Variants in ATF7IP observed in about 807,000 individuals in gnomAD.
ATF7IP encodes the protein activating transcription factor 7-interacting protein 1.
In ATF7IP, 23 loss-of-function variants were observed where a neutral mutation model predicts 106.4. That is an observed-to-expected ratio of 0.22 (90% CI 0.16 to 0.31). The LOEUF is 0.31. Ranked by LOEUF, ATF7IP falls within the 10% of genes least tolerant of loss-of-function variation. The probability of loss-of-function intolerance (pLI) is 1.00; values close to 1 mark genes in which losing one functional copy is unlikely to be tolerated. For missense variants in ATF7IP, 1,334 were observed against 1,524.3 expected (o/e 0.88, Z 2.08); for synonymous variants, 542 against 539.0 (o/e 1.01, Z -0.08).
At chr12:14,438,359 C>A in intron 5 of ATF7IP, 92 bp downstream of exon 5, 2 of 1,153,008 alleles carry the variant, frequency 1.7e-6, no homozygotes, top group South Asian at 1.9e-5. Flanking sequence ...CTATAAAATA[C>A]ATTTAAATTC....
At chr12:14,447,171 C>T (rs1039194192) in intron 6 of ATF7IP, 118 bp downstream of exon 6, 2 of 607,722 alleles carry the variant, frequency 3.3e-6, no homozygotes, top group Non-Finnish European at 5.3e-6. Flanking sequence ...ACTGTGTACT[C>T]CTCTATGTAA....
At chr12:14,464,426 G>T (rs1192909684) in intron 9 of ATF7IP, among the ~76,000 whole-genome samples, 1 of 152,154 alleles carries the variant, frequency 6.6e-6, no homozygotes, top group African/African-American at 2.4e-5. Context: ...CCTTTTTTCT[G>T]TTCATACAAT....
intron 13 of ATF7IP, 81 bp downstream of exon 13, chr12:14,481,266 T>C: frequency 6.8e-7 from 1 of 1,476,842 alleles, no homozygotes; most frequent in Non-Finnish European, 9.2e-7. Flanking sequence ...ATAATAATGT[T>C]AAATTTTGCA....
intron 2 of ATF7IP, among the ~76,000 whole-genome samples, chr12:14,427,447 C>A (rs535547750): frequency 2.0e-5 from 3 of 152,104 alleles, no homozygotes; most frequent in Non-Finnish European, 4.4e-5. Context: ...ACTGCAACCT[C>A]CGCCTCCCGG....
At chr12:14,372,571 T>C (rs1938574767) in intron 1 of ATF7IP, among the ~76,000 whole-genome samples, 1 of 152,130 alleles carries the variant, frequency 6.6e-6, no homozygotes, top group Admixed American at 6.5e-5. Context: ...GATGACTTAT[T>C]AACTTTGCCA....
At chr12:14,494,333 A>ATG (rs1210425478) in intron 13 of ATF7IP, among the ~76,000 whole-genome samples, 1,467 of 85,634 alleles carry the variant, frequency 0.017, 34 homozygotes, top group Non-Finnish European at 0.02. Context: ...ATATATATAT[A>ATG]TGTGTGTGTG....
At position 14,460,830 on chromosome 12, in the gene ATF7IP, C is replaced by A. The variant is rs1285222182; in HGVS notation, c.2494C>A (p.Pro832Thr). ...PPTVSGLTKN[P>T]VSLPSLPNPT... ...TACAGTGAGTGGTCTTACCAAAAAT[C>A]CAGTATCCTTGCCATCCTTGCCAAA... Residue 832 changes from proline to threonine, a missense_variant, in exon 9 of 15, where the codon CCA (proline) becomes ACA (threonine). This residue lies in a region of ATF7IP where 370 missense variants were observed against 401.2 expected (regional missense o/e 0.92). Transcript: ENST00000261168. 6.2e-7 allele frequency: 1 copy of A among 1,614,204 alleles called. No homozygotes were observed. The highest frequency in any genetic ancestry group is 2.2e-5 in the East Asian group (1 of 44,886).
intron 6 of ATF7IP, among the ~76,000 whole-genome samples, chr12:14,450,008 A>C (rs1166438929): frequency 6.6e-6 from 1 of 152,130 alleles, no homozygotes; most frequent in African/African-American, 2.4e-5. Context: ...TAGATATGCA[A>C]CTGATTTTTG....
chr12:14,418,822 G>A (rs1941342015), intron 1 of ATF7IP, among the ~76,000 whole-genome samples: 1 of 152,080 alleles, frequency 6.6e-6, no homozygotes, highest in Non-Finnish European at 1.5e-5. Flanking sequence ...ATTCTTTTTA[G>A]AGTGCTTTAT....
chr12:14,415,262 A>G (rs1488053164), intron 1 of ATF7IP, among the ~76,000 whole-genome samples: 2 of 152,226 alleles, frequency 1.3e-5, no homozygotes, highest in African/African-American at 2.4e-5. Context: ...CAGGTCATTT[A>G]ATTTTATTTT....
At chr12:14,382,483 A>T (rs895022345) in intron 1 of ATF7IP, among the ~76,000 whole-genome samples, 5 of 152,216 alleles carry the variant, frequency 3.3e-5, no homozygotes, top group African/African-American at 1.2e-4. Flanking sequence ...CATAATAAGC[A>T]CATAGTAGTT....
At chr12:14,451,878 A>G (rs1271278193) in intron 6 of ATF7IP, among the ~76,000 whole-genome samples, 1 of 152,160 alleles carries the variant, frequency 6.6e-6, no homozygotes, top group African/African-American at 2.4e-5. Flanking sequence ...TCCAATTAGC[A>G]TATAGTGTTG....
intron 2 of ATF7IP, among the ~76,000 whole-genome samples, chr12:14,427,547 G>A (rs774859564): frequency 6.6e-6 from 1 of 151,978 alleles, no homozygotes; most frequent in Non-Finnish European, 1.5e-5. Flanking sequence ...TGTATTTTTA[G>A]TAGAGTCGGG....
At chr12:14,435,667 T>C (rs1942370192) in intron 3 of ATF7IP, among the ~76,000 whole-genome samples, 1 of 152,222 alleles carries the variant, frequency 6.6e-6, no homozygotes, top group African/African-American at 2.4e-5. Flanking sequence ...AAGAATTTTT[T>C]CCTATACTTA....
intron 1 of ATF7IP, among the ~76,000 whole-genome samples, chr12:14,380,357 C>G (rs186406138): frequency 1.6e-3 from 236 of 152,196 alleles, no homozygotes; most frequent in Non-Finnish European, 2.6e-3. Flanking sequence ...GTGGAAGATT[C>G]AAAAGTTGAT....
At chr12:14,468,747 G>A (rs1391841160) in intron 10 of ATF7IP, among the ~76,000 whole-genome samples, 2 of 152,256 alleles carry the variant, frequency 1.3e-5, no homozygotes, top group African/African-American at 4.8e-5. Context: ...ATAATTACAG[G>A]AGTTTTATTG....
At position 14,365,818 on chromosome 12, in the gene ATF7IP, G is replaced by A; in HGVS notation, c.-17G>A. 1 of 153,500 alleles carries A rather than the reference G, an allele frequency of 6.5e-6. No individual in the cohort carries two copies. The highest frequency in any genetic ancestry group is 1.5e-5 in the Non-Finnish European group (1 of 68,194). The allele number at this position is 153,500 out of a possible 1,614,324, so 9.5% of individuals were successfully genotyped here. Reference sequence around the variant, plus strand: ...CTTGGTTCCCCCTCCCTCAGCTTCCGCCCCAAAAGGTATATGTGAATCCCA... The same window carrying A: ...CTTGGTTCCCCCTCCCTCAGCTTCCACCCCAAAAGGTATATGTGAATCCCA... On this transcript the variant is annotated 5_prime_UTR_variant, in exon 1 of 15. Transcript: ENST00000261168.
chr12:14,438,328 G>C, intron 5 of ATF7IP, 61 bp downstream of exon 5: 1 of 1,376,090 alleles, frequency 7.3e-7, no homozygotes, highest in Non-Finnish European at 9.9e-7. Flanking sequence ...CTTATTTTCT[G>C]AGATATATAT....
intron 1 of ATF7IP, among the ~76,000 whole-genome samples, chr12:14,420,836 G>A (rs1941471446): frequency 6.6e-6 from 1 of 152,114 alleles, no homozygotes; most frequent in African/African-American, 2.4e-5. Flanking sequence ...TAAGTTTCCA[G>A]GCATCAGGGG....
Sources: gnomAD v4.1 joint callset for allele counts (sites outside exome capture counted in the v4.1 genomes callset) on GRCh38, gnomAD v4.1.1 for gene constraint, gnomAD v4.1.1 regional missense constraint, MANE v1.5 for transcripts, NCBI Gene and HGNC (gene_info 2026-07-23, HGNC 2026-07-21) for gene names.